GMDS: variants seen among roughly 807,000 people sequenced by gnomAD.
GMDS encodes the protein GDP-mannose 4,6 dehydratase.
Under a neutral mutation model 49.9 loss-of-function variants are expected in GMDS, and 20 were observed. That is an observed-to-expected ratio of 0.40 (90% CI 0.28 to 0.58). The LOEUF (loss-of-function observed/expected upper bound fraction) is 0.58, where lower values mean the gene tolerates loss of function less well. Ranked by LOEUF, GMDS falls within the 20% of genes least tolerant of loss-of-function variation. GMDS has a pLI of 0.42. For synonymous variants in GMDS, 177 were observed against 178.6 expected, an observed-to-expected ratio of 0.99 and a Z score of 0.07; for missense variants, 362 against 481.4, an observed-to-expected ratio of 0.75 and a Z score of 2.32.
intron 1 of GMDS, among the ~76,000 whole-genome samples, chr6:2,229,186 C>T (rs969390173): frequency 2.0e-5 from 3 of 152,134 alleles, no homozygotes; most frequent in African/African-American, 7.2e-5. Context: ...AGTGATCCTC[C>T]AGGATAACAA....
chr6:1,815,606 C>G (rs933439152), intron 7 of GMDS, among the ~76,000 whole-genome samples: 2 of 152,110 alleles, frequency 1.3e-5, no homozygotes, highest in Non-Finnish European at 2.9e-5. Flanking sequence ...TTGTGATGGG[C>G]CACATGCTTT....
intron 7 of GMDS, among the ~76,000 whole-genome samples, chr6:1,903,681 C>T (rs1258357885): frequency 6.6e-6 from 1 of 152,170 alleles, no homozygotes; most frequent in Non-Finnish European, 1.5e-5. Flanking sequence ...AAATACTGTA[C>T]ACACACAGTC....
At chr6:2,044,581 A>G (rs1183916853) in intron 4 of GMDS, among the ~76,000 whole-genome samples, 1 of 152,186 alleles carries the variant, frequency 6.6e-6, no homozygotes, top group Non-Finnish European at 1.5e-5. Context: ...GGGTGAGAGG[A>G]GGGAGAAGAT....
chr6:1,718,152 T>A (rs1474010356), intron 9 of GMDS, among the ~76,000 whole-genome samples: 3 of 152,096 alleles, frequency 2.0e-5, no homozygotes, highest in African/African-American at 7.2e-5. Flanking sequence ...TTTTCCCCCC[T>A]AGAAATGCTC....
intron 1 of GMDS, among the ~76,000 whole-genome samples, chr6:2,174,114 A>T (rs1778153211): frequency 6.6e-6 from 1 of 152,200 alleles, no homozygotes; most frequent in Non-Finnish European, 1.5e-5. Context: ...GGGCGGTCTC[A>T]CTCATTCAAT....
intron 1 of GMDS, among the ~76,000 whole-genome samples, chr6:2,139,817 T>A (rs1205600282): frequency 2.0e-5 from 3 of 151,980 alleles, no homozygotes; most frequent in Non-Finnish European, 4.4e-5. Context: ...GTGTTAAAAA[T>A]ATATATATAA....
chr6:2,168,972 T>C (rs139798626), intron 1 of GMDS, among the ~76,000 whole-genome samples: 4 of 152,362 alleles, frequency 2.6e-5, no homozygotes, highest in Admixed American at 6.5e-5. Context: ...GACCGTATCA[T>C]GTAAATACTG....
chr6:1,770,957 T>G (rs1487369650), intron 7 of GMDS, among the ~76,000 whole-genome samples: 1 of 152,236 alleles, frequency 6.6e-6, no homozygotes, highest in Non-Finnish European at 1.5e-5. Flanking sequence ...TAATTTCCAT[T>G]TTCAGGCAGT....
intron 7 of GMDS, among the ~76,000 whole-genome samples, chr6:1,807,904 C>T (rs1439551152): frequency 1.3e-5 from 2 of 151,976 alleles, no homozygotes; most frequent in Non-Finnish European, 2.9e-5. Flanking sequence ...GACTTCATGA[C>T]AGATAAAAAC....
At chr6:1,722,483 A>C (rs1267311200) in intron 9 of GMDS, among the ~76,000 whole-genome samples, 2 of 143,166 alleles carry the variant, frequency 1.4e-5, no homozygotes, top group African/African-American at 4.9e-5. Context: ...ACAGTGTTTG[A>C]TAAATACTTA....
intron 1 of GMDS, among the ~76,000 whole-genome samples, chr6:2,151,919 A>G (rs567800197): frequency 1.3e-5 from 2 of 152,260 alleles, no homozygotes; most frequent in African/African-American, 4.8e-5. Flanking sequence ...GTACCCCTTA[A>G]AATATTTCAT....
Position 1,766,677 on chromosome 6 carries a change from C to T in GMDS, c.772-24091G>A, listed in dbSNP as rs1047287268. 3.9e-5 allele frequency among the ~76,000 whole-genome samples: 6 copies of T among 152,314 alleles called. No homozygotes were observed. The highest frequency in any genetic ancestry group is 5.9e-5 in the Non-Finnish European group (4 of 68,038). On this transcript the variant is annotated intron_variant, in intron 7 of 10. Transcript: ENST00000380815. The surrounding 1 kb of genome is among the most constrained non-coding windows in gnomAD (Gnocchi z 4.5). Reference sequence around the variant, plus strand: ...CTTCTAGAAGGCCCAGCAAGCGCCCCGTTTCCCACAGACGGTTCCCACCTG... The same window carrying T: ...CTTCTAGAAGGCCCAGCAAGCGCCCTGTTTCCCACAGACGGTTCCCACCTG...
At chr6:1,896,322 T>A (rs1016950787) in intron 7 of GMDS, among the ~76,000 whole-genome samples, 13 of 152,166 alleles carry the variant, frequency 8.5e-5, no homozygotes, top group Admixed American at 7.9e-4. Flanking sequence ...AGCACTGAGC[T>A]AAGGCCTTTG....
chr6:1,777,623 C>CGT (rs1340428370), intron 7 of GMDS, among the ~76,000 whole-genome samples: 1 of 152,172 alleles, frequency 6.6e-6, no homozygotes, highest in Non-Finnish European at 1.5e-5. Flanking sequence ...ATGTTGAACA[C>CGT]GTCTCTGCTC....
intron 4 of GMDS, among the ~76,000 whole-genome samples, chr6:2,097,291 G>A (rs1351332821): frequency 1.3e-5 from 2 of 152,110 alleles, no homozygotes; most frequent in Admixed American, 6.5e-5. Flanking sequence ...GTTCTTGAGA[G>A]AGAGTAGAAC....
At chr6:2,159,376 C>T (rs1777269141) in intron 1 of GMDS, among the ~76,000 whole-genome samples, 1 of 152,078 alleles carries the variant, frequency 6.6e-6, no homozygotes, top group African/African-American at 2.4e-5. Context: ...TGAGCCACCA[C>T]ATCCAGCCAA....
intron 4 of GMDS, among the ~76,000 whole-genome samples, chr6:2,013,063 C>A (rs1357153925): frequency 3.9e-5 from 6 of 152,156 alleles, no homozygotes; most frequent in Non-Finnish European, 7.3e-5. Context: ...TGCTAAGAAA[C>A]AATTCTGGCC....
chr6:1,726,630 C>A (rs1357013897), intron 8 of GMDS, 118 bp from the exon 9 acceptor site: 4 of 703,156 alleles, frequency 5.7e-6, no homozygotes, highest in African/African-American at 1.7e-5. Context: ...TCATTAACCA[C>A]AGCAGCACAG....
chr6:2,206,483 C>G (rs1779813113), intron 1 of GMDS, among the ~76,000 whole-genome samples: 1 of 152,138 alleles, frequency 6.6e-6, no homozygotes, highest in East Asian at 1.9e-4. Context: ...TTGATGTATT[C>G]ATTTGTCCAT....
Sources: allele counts gnomAD v4.1 joint callset (sites outside exome capture counted in the v4.1 genomes callset), GRCh38; gene constraint gnomAD v4.1.1; non-coding constraint Gnocchi (gnomAD v3.1); transcripts MANE v1.5; gene names NCBI Gene and HGNC (gene_info 2026-07-23, HGNC 2026-07-21).